SAMD4A: variants seen among roughly 807,000 people sequenced by gnomAD.
SAMD4A encodes the protein sterile alpha motif domain containing 4A.
Under a neutral mutation model 81.3 loss-of-function variants are expected in SAMD4A, and 33 were observed. The observed-to-expected ratio is 0.41, with a 90% confidence interval of 0.31 to 0.54. The LOEUF (loss-of-function observed/expected upper bound fraction) is 0.54. Ranked by LOEUF, SAMD4A falls within the 20% of genes least tolerant of loss-of-function variation. The probability of loss-of-function intolerance (pLI) is 0.37; values close to 1 mark genes in which losing one functional copy is unlikely to be tolerated. For missense variants in SAMD4A, 854 were observed against 951.1 expected (o/e 0.90, Z 1.34); for synonymous variants, 389 against 382.1 (o/e 1.02, Z -0.21).
At chr14:54,586,966 C>T (rs1010080250) in intron 2 of SAMD4A, among the ~76,000 whole-genome samples, 7 of 151,812 alleles carry the variant, frequency 4.6e-5, no homozygotes, top group South Asian at 2.1e-4. Flanking sequence ...CTGTGAAGAA[C>T]GATGGTGGTA....
upstream of SAMD4A, among the ~76,000 whole-genome samples, chr14:54,565,532 C>G (rs2032903623): frequency 6.6e-6 from 1 of 152,258 alleles, no homozygotes; most frequent in Non-Finnish European, 1.5e-5. The surrounding 1 kb of genome is among the most constrained non-coding windows in gnomAD (Gnocchi z 5.4). Flanking sequence ...CGCACTGCCC[C>G]TCAGCCTCGT....
At chr14:54,585,902 G>A (rs981839220) in intron 2 of SAMD4A, among the ~76,000 whole-genome samples, 5 of 152,022 alleles carry the variant, frequency 3.3e-5, no homozygotes, top group Non-Finnish European at 5.9e-5. Flanking sequence ...ACAAACATGC[G>A]TGTGCAAGTA....
Position 54,642,049 on chromosome 14 carries a change from C to T in SAMD4A, c.197-60013C>T, listed in dbSNP as rs183715791. ...CTGACCTCAAGTGATCCACCCGTCT[C>T]GGCCTCCCAAAGTGCTGGGATTACA... On this transcript the variant is annotated intron_variant, in intron 2 of 12. Transcript: ENST00000554335. 1.7e-3 allele frequency among the ~76,000 whole-genome samples: 254 copies of T among 152,258 alleles called. 4 individuals are homozygous for T. In the East Asian group the frequency reaches 0.027, roughly 16 times the overall value.
intron 2 of SAMD4A, chr14:54,685,568 C>T (rs1014517077): frequency 2.0e-5 from 8 of 410,104 alleles, no homozygotes; most frequent in Non-Finnish European, 3.9e-5. Flanking sequence ...AACATTGGTA[C>T]GCTAGTACTT....
At chr14:54,748,699 C>CTT in intron 4 of SAMD4A, 116 bp from the exon 5 acceptor site, 1 of 683,416 alleles carries the variant, frequency 1.5e-6, no homozygotes, top group Non-Finnish European at 2.5e-6. Context: ...GTTACTTTTT[C>CTT]TTTTTTTTTC....
intron 2 of SAMD4A, among the ~76,000 whole-genome samples, chr14:54,646,763 A>G (rs2035296001): frequency 6.6e-6 from 1 of 152,252 alleles, no homozygotes; most frequent in Non-Finnish European, 1.5e-5. Flanking sequence ...TGTGCTTTGA[A>G]TTAGAACTCT....
chr14:54,688,721 A>G (rs1056700365), intron 2 of SAMD4A, among the ~76,000 whole-genome samples: 7 of 152,108 alleles, frequency 4.6e-5, no homozygotes, highest in Admixed American at 3.9e-4. Flanking sequence ...CACTCTTTCA[A>G]CTGCTTCCTC....
chr14:54,592,183 A>G (rs2033795639), intron 2 of SAMD4A, among the ~76,000 whole-genome samples: 1 of 152,046 alleles, frequency 6.6e-6, no homozygotes, highest in Non-Finnish European at 1.5e-5. Context: ...TACCCTAGCA[A>G]TTGTAAGAAC....
At chr14:54,763,807 G>C (rs1204898263) in intron 7 of SAMD4A, among the ~76,000 whole-genome samples, 1 of 152,168 alleles carries the variant, frequency 6.6e-6, no homozygotes, top group Non-Finnish European at 1.5e-5. Context: ...GAGAAACCTA[G>C]TGCGTGTGTA....
In SAMD4A at chr14:54,792,630, G is replaced by A. The variant is rs955807755; in HGVS notation, c.*3686G>A. 4.6e-5 allele frequency: 7 copies of A among 152,270 alleles called. No individual in the cohort carries two copies. The highest frequency in any genetic ancestry group is 1.9e-4 in the East Asian group (1 of 5,188). The allele number at this position is 152,270 out of a possible 1,614,324, so 9.4% of individuals were successfully genotyped here. The stretch of plus-strand genomic sequence containing the variant: ...CCTGGGGAAGCAGCCTGACCAAGGC[G>A]CTCAGGTGTGCCTGTTACAAGAAGA... On this transcript the variant is annotated 3_prime_UTR_variant, in exon 13 of 13. Coordinates refer to ENST00000554335, the MANE Select transcript of SAMD4A (RefSeq NM_015589.6).
chr14:54,756,795 A>AG (rs1306373495), intron 6 of SAMD4A, among the ~76,000 whole-genome samples: 1 of 152,246 alleles, frequency 6.6e-6, no homozygotes, highest in African/African-American at 2.4e-5. Flanking sequence ...GCACTGAACC[A>AG]GCCTTCCTCC....
chr14:54,745,798 G>A (rs1284813102), intron 4 of SAMD4A, among the ~76,000 whole-genome samples: 1 of 152,136 alleles, frequency 6.6e-6, no homozygotes, highest in African/African-American at 2.4e-5. Flanking sequence ...AAGCCAAACA[G>A]GTGTGTGCCA....
intron 2 of SAMD4A, among the ~76,000 whole-genome samples, chr14:54,690,913 C>G (rs1255140489): frequency 6.6e-6 from 1 of 152,166 alleles, no homozygotes; most frequent in Non-Finnish European, 1.5e-5. Flanking sequence ...GGTTAGTTTC[C>G]AAACTCCCTG....
intron 2 of SAMD4A, among the ~76,000 whole-genome samples, chr14:54,628,949 A>G (rs1387814755): frequency 6.6e-6 from 1 of 152,166 alleles, no homozygotes; most frequent in African/African-American, 2.4e-5. Context: ...TACAGGTTGA[A>G]TTGTGTCCTG....
chr14:54,684,618 C>CCCGT (rs1555342985), intron 2 of SAMD4A, among the ~76,000 whole-genome samples: 2 of 26,042 alleles, frequency 7.7e-5, no homozygotes, highest in East Asian at 1.5e-3. Flanking sequence ...CCCCGCCCCC[C>CCCGT]CCCCCAACCA....
At chr14:54,648,709 G>T (rs571602305) in intron 2 of SAMD4A, among the ~76,000 whole-genome samples, 30 of 152,194 alleles carry the variant, frequency 2.0e-4, no homozygotes, top group Non-Finnish European at 4.1e-4. Context: ...GCTACCAGGA[G>T]CTGTGTGGGT....
intron 2 of SAMD4A, among the ~76,000 whole-genome samples, chr14:54,672,456 A>G (rs780002412): frequency 3.5e-4 from 54 of 152,282 alleles, no homozygotes; most frequent in Non-Finnish European, 6.0e-4. Context: ...CTACCTATCT[A>G]TAGCTGGAAT....
intron 5 of SAMD4A, among the ~76,000 whole-genome samples, chr14:54,749,407 A>T (rs1176561930): frequency 1.3e-5 from 2 of 152,338 alleles, no homozygotes; most frequent in East Asian, 3.9e-4. Context: ...TGGACTGCTG[A>T]GTAGATGCAC....
chr14:54,588,946 CAGAA>C (rs2033700567), intron 2 of SAMD4A, among the ~76,000 whole-genome samples: 2 of 152,062 alleles, frequency 1.3e-5, no homozygotes, highest in Admixed American at 6.6e-5. Context: ...TTAAGTTTAA[CAGAA>C]GGAAGGAAGA....
Sources: allele counts gnomAD v4.1 joint callset (sites outside exome capture counted in the v4.1 genomes callset), GRCh38; gene constraint gnomAD v4.1.1; non-coding constraint Gnocchi (gnomAD v3.1); transcripts MANE v1.5; gene names NCBI Gene and HGNC (gene_info 2026-07-23, HGNC 2026-07-21).